The following ANO5 variants were observed in gnomAD, a reference collection of about 807,000 sequenced individuals.
ANO5 encodes anoctamin 5.
In ANO5, 109 loss-of-function variants were observed where a neutral mutation model predicts 121.0. The ratio of observed to expected loss-of-function variants is 0.90; its 90% CI spans 0.77 to 1.06. The LOEUF (loss-of-function observed/expected upper bound fraction) is 1.06. Among genes scored for constraint, ANO5 ranks in the 50% least tolerant of loss-of-function variants. The pLI, the probability that ANO5 is intolerant of heterozygous loss-of-function variation, is 0.00. For synonymous variants in ANO5, 406 were observed against 359.9 expected (o/e 1.13, Z -1.45); for missense variants, 1,064 against 1,078.5 (o/e 0.99, Z 0.19).
intron 3 of ANO5, among the ~76,000 whole-genome samples, chr11:22,216,354 T>G (rs935198674): frequency 6.6e-6 from 1 of 151,790 alleles, no homozygotes; most frequent in African/African-American, 2.4e-5. Flanking sequence ...ACATTTGATA[T>G]TGATATTGAT....
At chr11:22,277,599 ATTTC>A (rs1854913358) in intron 21 of ANO5, among the ~76,000 whole-genome samples, 2 of 151,468 alleles carry the variant, frequency 1.3e-5, no homozygotes, top group African/African-American at 4.8e-5. Flanking sequence ...TTCTGAACAT[ATTTC>A]TTTTATTATA....
At chr11:22,210,576 A>G (rs1278851884) in intron 2 of ANO5, among the ~76,000 whole-genome samples, 1 of 151,910 alleles carries the variant, frequency 6.6e-6, no homozygotes, top group East Asian at 1.9e-4. Context: ...ACCTGTCACT[A>G]GAGACTGCTG....
intron 17 of ANO5, among the ~76,000 whole-genome samples, chr11:22,268,896 T>G (rs892060985): frequency 2.0e-5 from 3 of 152,068 alleles, no homozygotes; most frequent in African/African-American, 7.2e-5. Context: ...CACATGCCTT[T>G]AGTCCCAGCT....
Position 22,260,526 on chromosome 11 carries a change from A to G in ANO5, c.1630+785A>G, listed in dbSNP as rs78190780. Among the ~76,000 whole-genome samples, 8 of 152,278 alleles carry G rather than the reference A, an allele frequency of 5.3e-5. No homozygotes were observed. In the East Asian group the frequency reaches 1.4e-3, roughly 26 times the overall value. ...AGACTTTCATTATATACTATCTTCAAATTTGGAGTTCTCTCCCATTTTTAC... is the reference window on the plus strand; with the variant it reads ...AGACTTTCATTATATACTATCTTCAGATTTGGAGTTCTCTCCCATTTTTAC... On this transcript the variant is annotated intron_variant, in intron 15 of 21. Transcript: ENST00000324559.
Position 22,239,660 on chromosome 11 carries a change from A to T in ANO5, c.854A>T (p.Lys285Met). ...QNWARFSYFY[K>M]EQPLDLIKNY... ...TGGGCTCGATTTTCCTATTTCTACA[A>T]GGAGCAGCCTTTAGACTTGATTAAG... The change falls in exon 9 of 22, where the codon AAG (lysine) becomes ATG (methionine). Residue 285 changes from lysine (K) to methionine (M), a missense_variant. Transcript: ENST00000324559. The T allele has an allele frequency of 6.2e-7, 1 of 1,609,682 alleles. No homozygotes were observed. Among genetic ancestry groups the T allele is most frequent in the Non-Finnish European group, 8.5e-7 (1 of 1,176,120 alleles).
At chr11:22,270,481 T>A (rs374835860) in intron 18 of ANO5, 39 bp downstream of exon 18, 1 of 1,612,322 alleles carries the variant, frequency 6.2e-7, no homozygotes, top group Non-Finnish European at 8.5e-7. Flanking sequence ...AGAGTTGGCA[T>A]GAATGAGTGG....
chr11:22,226,096 G>A (rs1590243812), intron 6 of ANO5, 44 bp downstream of exon 6: 1 of 1,501,034 alleles, frequency 6.7e-7, no homozygotes, highest in African/African-American at 1.4e-5. Context: ...TAATTTAAGT[G>A]TTGTTTTCTC....
intron 8 of ANO5, among the ~76,000 whole-genome samples, chr11:22,238,925 C>A (rs1323698949): frequency 1.3e-5 from 2 of 152,016 alleles, no homozygotes; most frequent in Non-Finnish European, 2.9e-5. Flanking sequence ...TTCAGCAGTT[C>A]ATTTGTCTGC....
At position 22,255,507 on chromosome 11, in the gene ANO5, G is replaced by T; in HGVS notation, c.1317G>T (p.Leu439Phe). 2.5e-6 allele frequency: 4 copies of T among 1,613,180 alleles called. No individual in the cohort carries two copies. The highest frequency in any genetic ancestry group is 3.4e-6 in the Non-Finnish European group (4 of 1,179,346). The change falls in exon 13 of 22, where the codon TTG becomes TTT. Residue 439 changes from leucine to phenylalanine, a missense_variant. Transcript: ENST00000324559. ...AAGCTATGTGTAAACACAGGAAATT[G>T]AATGCAGTGACTAAGGTAGACTAGA... ...EFEAMCKHRK[L>F]NAVTKEMEPY...
chr11:22,269,578 A>C, intron 17 of ANO5, among the ~76,000 whole-genome samples: 1 of 147,372 alleles, frequency 6.8e-6, no homozygotes, highest in South Asian at 2.4e-4. Flanking sequence ...AAAGAAAAAA[A>C]GAAAGAAAGA....
chr11:22,248,115 A>G (rs905832484), intron 9 of ANO5, among the ~76,000 whole-genome samples: 4 of 152,110 alleles, frequency 2.6e-5, no homozygotes, highest in Non-Finnish European at 5.9e-5. Flanking sequence ...ATTGTATTCA[A>G]TTTAATTCTA....
chr11:22,223,881 A>T (rs1202143961), intron 5 of ANO5, among the ~76,000 whole-genome samples: 4 of 151,392 alleles, frequency 2.6e-5, no homozygotes, highest in African/African-American at 9.7e-5. Flanking sequence ...CTATTTCTCT[A>T]TTTTTTTTCT....
intron 7 of ANO5, among the ~76,000 whole-genome samples, chr11:22,232,294 T>G (rs1853068995): frequency 6.6e-6 from 1 of 151,994 alleles, no homozygotes; most frequent in African/African-American, 2.4e-5. Flanking sequence ...TTGATCTCCT[T>G]GTATATGTTT....
chr11:22,196,733 G>T (rs1851825116), intron 1 of ANO5, among the ~76,000 whole-genome samples: 3 of 152,138 alleles, frequency 2.0e-5, no homozygotes, highest in Admixed American at 2.0e-4. Context: ...GCTGGGTGTG[G>T]TGACATGCAC....
intron 1 of ANO5, among the ~76,000 whole-genome samples, chr11:22,194,604 A>G (rs998164396): frequency 6.6e-6 from 1 of 152,162 alleles, no homozygotes; most frequent in Admixed American, 6.5e-5. Flanking sequence ...GTCACTTCCC[A>G]TCCTCCCCAC....
intron 21 of ANO5, among the ~76,000 whole-genome samples, chr11:22,278,287 T>TA (rs952840919): frequency 5.9e-5 from 9 of 151,690 alleles, no homozygotes; most frequent in African/African-American, 2.2e-4. Context: ...CCCTTAGATC[T>TA]AAAAACGTAC....
At chr11:22,239,776 C>T (rs994472325) in intron 9 of ANO5, 92 bp downstream of exon 9, 7 of 967,090 alleles carry the variant, frequency 7.2e-6, no homozygotes, top group Admixed American at 5.6e-5. Flanking sequence ...ACTATTTTCT[C>T]CCACTACATT....
chr11:22,193,051 G>T, upstream of ANO5: 1 of 1,023,546 alleles, frequency 9.8e-7, no homozygotes, highest in Non-Finnish European at 1.2e-6. Flanking sequence ...GGGACGCAGC[G>T]AAGGGGAAAG....
In ANO5 at chr11:22,236,197, T is replaced by G; in HGVS notation, c.683T>G (p.Ile228Arg). ...YYILSRCPFG[I>R]EDGKKRFGIE... Reference sequence around the variant, plus strand: ...ATTCTCTCAAGATGTCCTTTTGGCATAGAAGATGGGAAGAAAAGGTTTGGG... The same window carrying G: ...ATTCTCTCAAGATGTCCTTTTGGCAGAGAAGATGGGAAGAAAAGGTTTGGG... The change falls in exon 8 of 22, where the codon ATA becomes AGA. Residue 228 changes from isoleucine to arginine, a missense_variant. Transcript: ENST00000324559. 1 of 1,613,336 alleles carries G rather than the reference T, an allele frequency of 6.2e-7. No individual in the cohort carries two copies. The highest frequency in any genetic ancestry group is 8.5e-7 in the Non-Finnish European group (1 of 1,179,508).
Sources: gnomAD v4.1 joint callset for allele counts (sites outside exome capture counted in the v4.1 genomes callset) on GRCh38, gnomAD v4.1.1 for gene constraint, MANE v1.5 for transcripts, NCBI Gene and HGNC (gene_info 2026-07-23, HGNC 2026-07-21) for gene names.